Variants in JCAD observed in about 807,000 individuals in gnomAD.
The protein encoded by JCAD is junctional cadherin 5-associated protein.
JCAD carries 40 observed loss-of-function variants against 98.0 expected under a neutral mutation model. The ratio of observed to expected loss-of-function variants is 0.41; its 90% CI spans 0.32 to 0.53. JCAD has a LOEUF of 0.53. JCAD is among the 20% of genes least tolerant of loss of function. JCAD has a pLI of 0.31. For missense variants in JCAD, 1,705 were observed against 1,738.1 expected, an observed-to-expected ratio of 0.98 and a Z score of 0.34; for synonymous variants, 691 against 682.3, an observed-to-expected ratio of 1.01 and a Z score of -0.20.
At chr10:30,045,565 A>G (rs1416646959) in intron 2 of JCAD, among the ~76,000 whole-genome samples, 1 of 152,212 alleles carries the variant, frequency 6.6e-6, no homozygotes, top group African/African-American at 2.4e-5. Flanking sequence ...ATGAAAAAAC[A>G]AAACAAAAAC....
chr10:30,089,979 T>G (rs1437748440), intron 1 of JCAD, among the ~76,000 whole-genome samples: 1 of 152,230 alleles, frequency 6.6e-6, no homozygotes, highest in East Asian at 1.9e-4. Flanking sequence ...ATACATTCCC[T>G]GGTTAACTTC....
chr10:30,047,231 G>C (rs905077206), intron 2 of JCAD, among the ~76,000 whole-genome samples: 5 of 152,308 alleles, frequency 3.3e-5, no homozygotes, highest in Non-Finnish European at 5.9e-5. Flanking sequence ...AATTAGCCAG[G>C]TGTGGTGGCA....
intron 1 of JCAD, among the ~76,000 whole-genome samples, chr10:30,083,449 T>C (rs1305814529): frequency 6.6e-6 from 1 of 152,236 alleles, no homozygotes; most frequent in Non-Finnish European, 1.5e-5. Context: ...TAAAATGTTT[T>C]GATAAAAGAT....
chr10:30,078,175 A>C (rs1336775656), intron 1 of JCAD, among the ~76,000 whole-genome samples: 1 of 152,204 alleles, frequency 6.6e-6, no homozygotes, highest in Non-Finnish European at 1.5e-5. Context: ...TTAGTCACTA[A>C]AGATAGGTAT....
At chr10:30,094,844 C>T (rs780391150) in intron 1 of JCAD, among the ~76,000 whole-genome samples, 21 of 152,314 alleles carry the variant, frequency 1.4e-4, no homozygotes, top group Non-Finnish European at 2.6e-4. Flanking sequence ...TCCCTGATCT[C>T]GCTGAGATGT....
At chr10:30,079,432 C>A (rs1370555484) in intron 1 of JCAD, among the ~76,000 whole-genome samples, 2 of 151,304 alleles carry the variant, frequency 1.3e-5, no homozygotes, top group African/African-American at 2.4e-5. Context: ...TAGAAGTGAA[C>A]CTTGAAGTGA....
chr10:30,053,190 C>T (rs963199457), intron 1 of JCAD, among the ~76,000 whole-genome samples: 1 of 151,588 alleles, frequency 6.6e-6, no homozygotes, highest in African/African-American at 2.4e-5. Context: ...TATAAGGGTT[C>T]TCCTGTTTGT....
intron 1 of JCAD, among the ~76,000 whole-genome samples, chr10:30,057,853 C>A (rs983431293): frequency 1.3e-5 from 2 of 152,212 alleles, no homozygotes; most frequent in African/African-American, 4.8e-5. Context: ...AAGTCCCAAT[C>A]CACAGACGTT....
intron 1 of JCAD, among the ~76,000 whole-genome samples, chr10:30,085,436 A>G (rs1251022368): frequency 6.6e-6 from 1 of 152,220 alleles, no homozygotes; most frequent in Non-Finnish European, 1.5e-5. Flanking sequence ...TCATTGAGCT[A>G]GAGAGAAGAT....
intron 1 of JCAD, among the ~76,000 whole-genome samples, chr10:30,082,824 C>T (rs899952852): frequency 2.9e-5 from 4 of 138,784 alleles, no homozygotes; most frequent in African/African-American, 1.1e-4. Context: ...GTACTTTAGC[C>T]TGGGCAACAA....
chr10:30,025,551 A>AGGGGG (rs1316752497), intron 3 of JCAD, among the ~76,000 whole-genome samples: 1 of 1,332 alleles, frequency 7.5e-4, no homozygotes, highest in Non-Finnish European at 1.6e-3. Flanking sequence ...AGGGGAGGGG[A>AGGGGG]GGGGAGGGGA....
rs560245749 is a variant in JCAD, at chr10:30,026,647, C to T, written c.3501G>A (p.Arg1167=). The T allele has an allele frequency of 3.7e-6, 6 of 1,613,142 alleles. No homozygotes were observed. In the East Asian group the frequency reaches 8.9e-5, roughly 24 times the overall value. The part of the protein sequence containing the change: ...PLFVGDRDSA[R]RAPQAFEHSD... Reference sequence around the variant, plus strand: ...AGTGCTCAAAAGCCTGAGGAGCCCGCCTGGCACTGTCCCTGTCCCCTACAA... The same window carrying T: ...AGTGCTCAAAAGCCTGAGGAGCCCGTCTGGCACTGTCCCTGTCCCCTACAA... Residue 1167 remains arginine, a synonymous_variant, in exon 3 of 4, where the codon AGG becomes AGA. Coordinates refer to ENST00000375377, the MANE Select transcript of JCAD (RefSeq NM_020848.4).
intron 1 of JCAD, among the ~76,000 whole-genome samples, chr10:30,089,297 C>T (rs1476192511): frequency 2.0e-5 from 3 of 152,138 alleles, no homozygotes; most frequent in African/African-American, 7.2e-5. Flanking sequence ...GCGAGTGCAA[C>T]GTGGCACCAC....
At chr10:30,022,014 G>A (rs1460801559) in intron 3 of JCAD, among the ~76,000 whole-genome samples, 1 of 152,106 alleles carries the variant, frequency 6.6e-6, no homozygotes, top group African/African-American at 2.4e-5. Flanking sequence ...CATATTAACA[G>A]AGTTTGCAAC....
rs891828054 is a variant in JCAD at position 30,013,090 on chromosome 10, G to C, written c.*4793C>G. 9.2e-5 allele frequency: 14 copies of C among 152,240 alleles called. No individual in the cohort carries two copies. The highest frequency in any genetic ancestry group is 3.4e-4 in the African/African-American group (14 of 41,438). The allele number at this position is 152,240 out of a possible 1,614,324, so 9.4% of individuals were successfully genotyped here. ...CGGCCATTACCAATGGTGTCTTTCT[G>C]GGACCCTTTCTACCTGTCTTAGGTA... is the stretch of plus-strand genomic sequence containing the variant. On this transcript the variant is annotated 3_prime_UTR_variant, in exon 4 of 4. Coordinates refer to ENST00000375377, the MANE Select transcript of JCAD (RefSeq NM_020848.4).
chr10:30,052,103 G>T (rs960721614), intron 1 of JCAD, among the ~76,000 whole-genome samples: 2 of 152,148 alleles, frequency 1.3e-5, no homozygotes, highest in Admixed American at 6.5e-5. Flanking sequence ...TAGCTCTATG[G>T]TGTCTATTCA....
rs773556924 is a variant in JCAD, at chr10:30,028,908, C to T, written c.1240G>A (p.Val414Ile). ...TGAACGAAGCCGTCATAGGCAGTGA[C>T]AGGTCGGGGATGTGCGGGGAGCCCC... Reference protein sequence around the residue: ...PQGLPAHPRPVTAYDGFVQYI... With the variant: ...PQGLPAHPRPITAYDGFVQYI... The change falls in exon 3 of 4, where the codon GTC becomes ATC. Residue 414 changes from valine to isoleucine, a missense_variant. Val to Ile is a conservative substitution (Grantham distance 29). Around this residue, in one of 3 missense-constraint regions of JCAD, gnomAD observed 1,278 missense variants for 1,243.1 expected, o/e 1.03. Coordinates refer to ENST00000375377, the MANE Select transcript of JCAD (RefSeq NM_020848.4). 1.7e-5 allele frequency: 27 copies of T among 1,614,026 alleles called. No homozygotes were observed. The highest frequency in any genetic ancestry group is 2.2e-5 in the Non-Finnish European group (26 of 1,180,038).
At position 30,092,062 on chromosome 10, in the gene JCAD, A is replaced by AGTTACTTT. The variant is rs1403915883; in HGVS notation, n.129-22242_129-22241insAAAGTAAC. On this transcript the variant is annotated intron_variant and non_coding_transcript_variant, in intron 1 of 2. Coordinates refer to the JCAD transcript ENST00000465712. ...AAAAAAAAAAAAAAAAAAAAAAAAA[A>AGTTACTTT]AAATATATATATATATATATATATA... is the stretch of plus-strand genomic sequence containing the variant. Among the ~76,000 whole-genome samples, 11 of 12,628 alleles carry AGTTACTTT rather than the reference A, an allele frequency of 8.7e-4. 1 individual carries two copies. The highest frequency in any genetic ancestry group is 5.0e-3 in the East Asian group (1 of 200). The allele number at this position is 12,628 out of a possible 152,430, so 8.3% of individuals were successfully genotyped here.
chr10:30,114,330 T>C (rs1285374301), intron 1 of JCAD, among the ~76,000 whole-genome samples: 1 of 152,202 alleles, frequency 6.6e-6, no homozygotes, highest in Non-Finnish European at 1.5e-5. Flanking sequence ...CCAACCCTGG[T>C]AACTATTTGA....
Sources: gnomAD v4.1 joint callset for allele counts (sites outside exome capture counted in the v4.1 genomes callset) on GRCh38, gnomAD v4.1.1 for gene constraint, gnomAD v4.1.1 regional missense constraint, MANE v1.5 for transcripts, NCBI Gene and HGNC (gene_info 2026-07-23, HGNC 2026-07-21) for gene names.